GRID1: variants seen among roughly 807,000 people sequenced by gnomAD.
GRID1 encodes glutamate receptor ionotropic, delta-1.
Under a neutral mutation model 98.0 loss-of-function variants are expected in GRID1, and 28 were observed. The ratio of observed to expected loss-of-function variants is 0.29; its 90% CI spans 0.21 to 0.39. The LOEUF is 0.39. Among genes scored for constraint, GRID1 ranks in the 10% least tolerant of loss-of-function variants. The pLI, the probability that GRID1 is intolerant of heterozygous loss-of-function variation, is 1.00. For missense variants in GRID1, 1,111 were observed against 1,340.5 expected, an observed-to-expected ratio of 0.83 and a Z score of 2.67; for synonymous variants, 553 against 538.5, an observed-to-expected ratio of 1.03 and a Z score of -0.37.
At chr10:86,118,857 A>G (rs764451265) in intron 4 of GRID1, among the ~76,000 whole-genome samples, 27 of 152,186 alleles carry the variant, frequency 1.8e-4, no homozygotes, top group Non-Finnish European at 3.4e-4. Context: ...ATCCCAGTTG[A>G]GGGGAATTCT....
At chr10:85,710,125 C>T (rs867119563) in intron 12 of GRID1, among the ~76,000 whole-genome samples, 1 of 151,972 alleles carries the variant, frequency 6.6e-6, no homozygotes, top group South Asian at 2.1e-4. Context: ...ATAAAAAAAA[C>T]TAAAATTGGT....
Position 86,116,016 on chromosome 10 carries a change from G to A in GRID1, c.726+22803C>T, listed in dbSNP as rs147312734. Among the ~76,000 whole-genome samples the A allele has an allele frequency of 3.3e-5, 5 of 152,310 alleles. No homozygotes were observed. In the East Asian group the frequency reaches 9.6e-4, roughly 29 times the overall value. On this transcript the variant is annotated intron_variant, in intron 4 of 15. Coordinates refer to ENST00000327946, the MANE Select transcript of GRID1 (RefSeq NM_017551.3). The stretch of plus-strand genomic sequence containing the variant: ...TGCTATGCAGGTTTGTAGCATAGGA[G>A]CGATAGGCTGTACCATAAAGCCTAG...
intron 4 of GRID1, among the ~76,000 whole-genome samples, chr10:86,132,971 C>T (rs533262336): frequency 4.6e-5 from 7 of 152,222 alleles, no homozygotes; most frequent in Non-Finnish European, 1.0e-4. Flanking sequence ...ACCAGAGCAA[C>T]GGAAAGCTGT....
At chr10:85,720,654 G>GAAAGA (rs1312872592) in intron 12 of GRID1, among the ~76,000 whole-genome samples, 3 of 144,244 alleles carry the variant, frequency 2.1e-5, no homozygotes, top group Non-Finnish European at 4.6e-5. Flanking sequence ...AAGAAAGAAA[G>GAAAGA]AAAGAAAAGA....
chr10:85,637,418 A>G (rs905116580), intron 13 of GRID1, among the ~76,000 whole-genome samples: 2 of 152,192 alleles, frequency 1.3e-5, no homozygotes, highest in African/African-American at 4.8e-5. Context: ...AAGCATGTGA[A>G]AAAGGTTTAG....
intron 12 of GRID1, among the ~76,000 whole-genome samples, chr10:85,708,122 A>AT (rs1841542399): frequency 7.6e-6 from 1 of 130,910 alleles, no homozygotes; most frequent in South Asian, 2.6e-4. Flanking sequence ...ATAAAAAAAA[A>AT]AAAAAAAAAC....
At chr10:86,180,720 A>G (rs1046535475) in intron 3 of GRID1, among the ~76,000 whole-genome samples, 5 of 152,176 alleles carry the variant, frequency 3.3e-5, no homozygotes, top group Non-Finnish European at 5.9e-5. Context: ...TGCAGCTCAC[A>G]GGAGCAGGGC....
At chr10:85,689,001 T>G (rs1174394188) in intron 12 of GRID1, among the ~76,000 whole-genome samples, 3 of 152,206 alleles carry the variant, frequency 2.0e-5, no homozygotes, top group Non-Finnish European at 4.4e-5. Flanking sequence ...TCATTTATCC[T>G]CTTGGTTTTA....
chr10:85,703,027 T>G (rs1374739926), intron 12 of GRID1, among the ~76,000 whole-genome samples: 1 of 151,060 alleles, frequency 6.6e-6, no homozygotes, highest in Non-Finnish European at 1.5e-5. Flanking sequence ...GAGAGAAAGT[T>G]GTGAGGGGGT....
At chr10:85,787,773 G>T (rs1230816403) in intron 8 of GRID1, among the ~76,000 whole-genome samples, 1 of 152,040 alleles carries the variant, frequency 6.6e-6, no homozygotes, top group Non-Finnish European at 1.5e-5. Flanking sequence ...AGCCCACCCC[G>T]CCTTGCCCCT....
chr10:86,349,055 G>A (rs548765843), intron 2 of GRID1, among the ~76,000 whole-genome samples: 1 of 152,246 alleles, frequency 6.6e-6, no homozygotes, highest in African/African-American at 2.4e-5. Flanking sequence ...ATGGTCAGCA[G>A]CTCCTGGAGT....
intron 13 of GRID1, among the ~76,000 whole-genome samples, chr10:85,626,090 A>G (rs912138885): frequency 6.6e-6 from 1 of 152,248 alleles, no homozygotes; most frequent in African/African-American, 2.4e-5. Context: ...CAGAAGGAAG[A>G]CAGGTGCCTG....
intron 12 of GRID1, among the ~76,000 whole-genome samples, chr10:85,700,542 A>C (rs1229709236): frequency 1.3e-5 from 2 of 152,188 alleles, no homozygotes; most frequent in East Asian, 3.8e-4. Context: ...GCATTTCCTA[A>C]AGGCACTATT....
At chr10:86,239,913 G>GA (rs1214812009) in intron 2 of GRID1, among the ~76,000 whole-genome samples, 4 of 152,120 alleles carry the variant, frequency 2.6e-5, no homozygotes, top group African/African-American at 9.7e-5. Flanking sequence ...AAATTAAAAC[G>GA]AATCAGGAAG....
chr10:85,729,983 C>T (rs1165485335), intron 8 of GRID1, among the ~76,000 whole-genome samples: 1 of 152,202 alleles, frequency 6.6e-6, no homozygotes, highest in Non-Finnish European at 1.5e-5. Flanking sequence ...TTGACTTGCC[C>T]AGGCCACAAG....
chr10:86,293,277 G>A (rs1847542010), intron 2 of GRID1, among the ~76,000 whole-genome samples: 1 of 152,134 alleles, frequency 6.6e-6, no homozygotes, highest in South Asian at 2.1e-4. Flanking sequence ...TGCCAGGGAG[G>A]GAGAAGGAGC....
intron 8 of GRID1, among the ~76,000 whole-genome samples, chr10:85,824,376 T>C (rs1842800000): frequency 6.6e-6 from 1 of 152,094 alleles, no homozygotes; most frequent in Non-Finnish European, 1.5e-5. Flanking sequence ...CACACCTAGT[T>C]AATTTTTGTA....
chr10:86,234,375 G>C (rs779603742), intron 2 of GRID1, among the ~76,000 whole-genome samples: 15 of 152,188 alleles, frequency 9.9e-5, no homozygotes, highest in Non-Finnish European at 1.6e-4. Flanking sequence ...GGAGCCAAAA[G>C]AATGAAAGCC....
chr10:85,629,329 C>G (rs1438941510), intron 13 of GRID1, among the ~76,000 whole-genome samples: 1 of 152,100 alleles, frequency 6.6e-6, no homozygotes, highest in African/African-American at 2.4e-5. Flanking sequence ...TAACCATCAC[C>G]CAAACAGCCT....
Sources: allele counts gnomAD v4.1 joint callset (sites outside exome capture counted in the v4.1 genomes callset), GRCh38; gene constraint gnomAD v4.1.1; transcripts MANE v1.5; gene names NCBI Gene and HGNC (gene_info 2026-07-23, HGNC 2026-07-21).